MID1: variants seen among roughly 807,000 people sequenced by gnomAD.
The protein encoded by MID1 is E3 ubiquitin-protein ligase Midline-1.
A neutral mutation model predicts 40.4 loss-of-function variants in MID1; 7 were observed. The observed-to-expected ratio is 0.17, with a 90% CI of 0.10 to 0.33. The LOEUF (loss-of-function observed/expected upper bound fraction) is 0.33, where lower values mean the gene tolerates loss of function less well. Ranked by LOEUF, MID1 falls within the 10% of genes least tolerant of loss-of-function variation. The pLI is 1.00. For missense variants in MID1, 367 were observed against 558.5 expected, an observed-to-expected ratio of 0.66 and a Z score of 3.46; for synonymous variants, 229 against 221.2, an observed-to-expected ratio of 1.04 and a Z score of -0.31.
chrX:10,650,365 C>T (rs1002827643), intron 1 of MID1, among the ~76,000 whole-genome samples: 3 of 109,551 alleles, frequency 2.7e-5, no homozygotes, highest in African/African-American at 1.0e-4. Flanking sequence ...CCGCAACTTG[C>T]CCCTCCCATC....
intron 1 of MID1, among the ~76,000 whole-genome samples, chrX:10,757,086 C>T (rs2043637106): frequency 8.9e-6 from 1 of 111,920 alleles, no homozygotes; most frequent in African/African-American, 3.2e-5. Context: ...GGGCATCAGC[C>T]TCAGCTGGAG....
At chrX:10,717,538 T>A (rs1167559350) in intron 1 of MID1, among the ~76,000 whole-genome samples, 11 of 110,104 alleles carry the variant, frequency 1.0e-4, no homozygotes, top group African/African-American at 3.6e-4. Context: ...GCACCCAGAT[T>A]CATAAAGCAA....
At chrX:10,556,513 G>C (rs1219203961) in intron 2 of MID1, among the ~76,000 whole-genome samples, 1 of 111,904 alleles carries the variant, frequency 8.9e-6, no homozygotes, top group African/African-American at 3.2e-5. Flanking sequence ...ATGTCAGCCA[G>C]AAACACATAT....
At chrX:10,748,028 C>G (rs1314627327) in intron 1 of MID1, among the ~76,000 whole-genome samples, 1 of 110,236 alleles carries the variant, frequency 9.1e-6, no homozygotes, top group Non-Finnish European at 1.9e-5. Context: ...ATTTAGTGAG[C>G]TGGAGATGAT....
intron 3 of MID1, chrX:10,506,347 C>A: frequency 9.3e-7 from 1 of 1,080,930 alleles, no homozygotes. Context: ...CAAATTGTTG[C>A]CAGAAAACAC....
intron 2 of MID1, among the ~76,000 whole-genome samples, chrX:10,545,710 T>C (rs948363345): frequency 9.0e-6 from 1 of 111,569 alleles, no homozygotes; most frequent in African/African-American, 3.3e-5. Context: ...TTGCTTGTGG[T>C]ATGATGATTG....
intron 2 of MID1, among the ~76,000 whole-genome samples, chrX:10,548,420 C>T (rs1007811975): frequency 1.7e-4 from 19 of 112,054 alleles, no homozygotes; most frequent in Admixed American, 5.7e-4. Flanking sequence ...GTTTTTCCAT[C>T]TCTAGTGTTT....
intron 1 of MID1, among the ~76,000 whole-genome samples, chrX:10,662,853 G>T (rs2042925027): frequency 9.0e-6 from 1 of 110,832 alleles, no homozygotes; most frequent in African/African-American, 3.3e-5. Flanking sequence ...GAATGGTGAG[G>T]TTGAGGATTA....
intron 1 of MID1, among the ~76,000 whole-genome samples, chrX:10,606,707 T>C (rs764236879): frequency 1.8e-5 from 2 of 111,605 alleles, no homozygotes; most frequent in East Asian, 5.6e-4. Flanking sequence ...GAAGTTTGCT[T>C]TTCAATTATG....
intron 1 of MID1, among the ~76,000 whole-genome samples, chrX:10,580,812 A>C (rs1172242568): frequency 9.1e-6 from 1 of 109,600 alleles, no homozygotes; most frequent in Non-Finnish European, 1.9e-5. Context: ...TCTTTACCAA[A>C]GCATTTCATC....
At chrX:10,718,569 A>T (rs1447858173) in intron 1 of MID1, among the ~76,000 whole-genome samples, 1 of 111,678 alleles carries the variant, frequency 9.0e-6, no homozygotes, top group Non-Finnish European at 1.9e-5. Flanking sequence ...CTTACCAACC[A>T]AAAAAAGTCC....
chrX:10,666,101 A>T (rs1412175163), intron 1 of MID1, among the ~76,000 whole-genome samples: 1 of 110,415 alleles, frequency 9.1e-6, no homozygotes, highest in Non-Finnish European at 1.9e-5. Flanking sequence ...AAGTAAAAAT[A>T]AAAAAAGAGA....
At chrX:10,584,276 G>A (rs912804371) in intron 1 of MID1, among the ~76,000 whole-genome samples, 2 of 112,182 alleles carry the variant, frequency 1.8e-5, no homozygotes, top group Non-Finnish European at 3.8e-5. Context: ...TCCAACAAAC[G>A]AATTTTGGGA....
chrX:10,711,922 G>A (rs1164750143), intron 1 of MID1, among the ~76,000 whole-genome samples: 1 of 111,830 alleles, frequency 8.9e-6, no homozygotes, highest in African/African-American at 3.3e-5. Context: ...AGTGTTACTG[G>A]CATCCACTGG....
chrX:10,761,150 T>G (rs1348518950), intron 1 of MID1, among the ~76,000 whole-genome samples: 1 of 111,571 alleles, frequency 9.0e-6, no homozygotes, highest in African/African-American at 3.3e-5. Context: ...AAGGAGATGA[T>G]TCCTTTTACC....
intron 1 of MID1, among the ~76,000 whole-genome samples, chrX:10,754,826 T>G (rs1390413900): frequency 8.9e-6 from 1 of 112,352 alleles, no homozygotes; most frequent in Non-Finnish European, 1.9e-5. Context: ...ATTATTTAGT[T>G]GCAAAATATA....
At chrX:10,597,120 C>T (rs1264768723) in intron 1 of MID1, among the ~76,000 whole-genome samples, 1 of 110,757 alleles carries the variant, frequency 9.0e-6, no homozygotes, top group Non-Finnish European at 1.9e-5. Flanking sequence ...ATTTATTATA[C>T]ATATGTATAA....
chrX:10,605,569 G>T (rs775829795), intron 1 of MID1, among the ~76,000 whole-genome samples: 1 of 111,819 alleles, frequency 8.9e-6, no homozygotes, highest in South Asian at 3.8e-4. Flanking sequence ...GGTTCTTATG[G>T]CTATAATGTT....
Position 10,449,074 on chromosome X carries a change from A to G in MID1, c.*294T>C, listed in dbSNP as rs1928166069. 3.7e-6 allele frequency: 1 copy of G among 268,173 alleles called. No homozygotes were observed. Among genetic ancestry groups the G allele is most frequent in the Admixed American group, 5.8e-5 (1 of 17,350 alleles). The allele number at this position is 268,173 out of a possible 1,213,427, so 22.1% of individuals were successfully genotyped here. On this transcript the variant is annotated 3_prime_UTR_variant, in exon 10 of 10. Coordinates refer to ENST00000317552, the MANE Select transcript of MID1 (RefSeq NM_000381.4). ...TAGCTGATAAACTTATGGGCCTCTT[A>G]ATGTGCAAAACCAAGTAATTCCTAA...
Sources: gnomAD v4.1 joint callset for allele counts (sites outside exome capture counted in the v4.1 genomes callset) on GRCh38, gnomAD v4.1.1 for gene constraint, MANE v1.5 for transcripts, NCBI Gene and HGNC (gene_info 2026-07-23, HGNC 2026-07-21) for gene names.